KLRG2: variants seen among roughly 807,000 people sequenced by gnomAD.
The protein encoded by KLRG2 is killer cell lectin-like receptor subfamily G member 2.
Under a neutral mutation model 35.4 loss-of-function variants are expected in KLRG2, and 39 were observed. That is an observed-to-expected ratio of 1.10 (90% CI 0.85 to 1.44). The LOEUF (loss-of-function observed/expected upper bound fraction) is 1.44, where lower values mean the gene tolerates loss of function less well. Ranked by LOEUF, KLRG2 falls within the 40% of genes most tolerant of loss-of-function variation. The pLI is 0.00. For synonymous variants in KLRG2, 283 were observed against 265.8 expected, an observed-to-expected ratio of 1.06 and a Z score of -0.63; for missense variants, 632 against 570.9, an observed-to-expected ratio of 1.11 and a Z score of -1.09.
the KLRG2 span, among the ~76,000 whole-genome samples, chr7:139,436,915 T>G: frequency 6.6e-6 from 1 of 152,204 alleles, no homozygotes; most frequent in African/African-American, 2.4e-5. Context: ...AGGCACTGGG[T>G]CCTGCTGCCC....
At chr7:139,472,076 C>A (rs1359319866) in intron 3 of KLRG2, among the ~76,000 whole-genome samples, 1 of 152,176 alleles carries the variant, frequency 6.6e-6, no homozygotes, top group Non-Finnish European at 1.5e-5. Context: ...GCAGGCACTT[C>A]CAGGAACAAT....
Position 139,477,852 on chromosome 7 carries a change from A to AG in KLRG2, c.1005+1774dup, listed in dbSNP as rs1569416209. On this transcript the variant is annotated intron_variant, in intron 3 of 4. Transcript: ENST00000340940. ...CGGCTCACTGCAAGCTCCGCCTCCC[A>AG]GGTTCATGCCATTCTCCTGCCTCAG... Among the ~76,000 whole-genome samples, 4 of 151,658 alleles carry AG rather than the reference A, an allele frequency of 2.6e-5. No individual in the cohort carries two copies. In the South Asian group the frequency reaches 8.4e-4, roughly 32 times the overall value.
intron 3 of KLRG2, among the ~76,000 whole-genome samples, chr7:139,454,730 C>T (rs569820396): frequency 5.3e-5 from 8 of 151,576 alleles, no homozygotes; most frequent in South Asian, 2.1e-4. Context: ...ACAGGAGAAT[C>T]GCTTGAGCCC....
chr7:139,429,642 C>T, the KLRG2 span, among the ~76,000 whole-genome samples: 3 of 151,936 alleles, frequency 2.0e-5, no homozygotes, highest in Non-Finnish European at 2.9e-5. Flanking sequence ...TTAATCCATT[C>T]AACCCTGAGT....
chr7:139,449,253 T>G (rs1264567577), downstream of KLRG2, among the ~76,000 whole-genome samples: 1 of 151,198 alleles, frequency 6.6e-6, no homozygotes, highest in African/African-American at 2.4e-5. Context: ...AATACAAAAA[T>G]TAGCCCAGCA....
chr7:139,435,533 G>A, the KLRG2 span, among the ~76,000 whole-genome samples: 1 of 152,160 alleles, frequency 6.6e-6, no homozygotes, highest in Non-Finnish European at 1.5e-5. Context: ...GTTGACAAAT[G>A]TATCCCACCA....
the KLRG2 span, among the ~76,000 whole-genome samples, chr7:139,438,086 T>A: frequency 6.6e-6 from 1 of 152,208 alleles, no homozygotes; most frequent in Admixed American, 6.5e-5. Context: ...TCCCAGTAGC[T>A]GGAGGACAAT....
the KLRG2 span, among the ~76,000 whole-genome samples, chr7:139,430,863 G>A: frequency 1.5e-3 from 234 of 152,104 alleles, 1 homozygote; most frequent in African/African-American, 5.4e-3. Context: ...ACAAAAATTA[G>A]CTAGGCATGG....
chr7:139,436,602 A>G, the KLRG2 span, among the ~76,000 whole-genome samples: 1 of 152,188 alleles, frequency 6.6e-6, no homozygotes, highest in African/African-American at 2.4e-5. Flanking sequence ...AGGCACAGGA[A>G]GAGGGGTCGA....
At chr7:139,430,146 T>C in the KLRG2 span, among the ~76,000 whole-genome samples, 6 of 152,230 alleles carry the variant, frequency 3.9e-5, 1 homozygote, top group Admixed American at 2.6e-4. Flanking sequence ...CTAATGCTTG[T>C]AATCCCAGCA....
downstream of KLRG2, among the ~76,000 whole-genome samples, chr7:139,450,369 G>A (rs1026862446): frequency 2.0e-5 from 3 of 151,802 alleles, no homozygotes; most frequent in East Asian, 1.9e-4. Context: ...GACTACAGGC[G>A]CCTGCCACCA....
At chr7:139,461,510 C>A (rs1399046388) in intron 3 of KLRG2, among the ~76,000 whole-genome samples, 2 of 152,222 alleles carry the variant, frequency 1.3e-5, no homozygotes, top group African/African-American at 2.4e-5. Context: ...CCCCTGTGAC[C>A]TGCACGTATA....
chr7:139,433,601 C>T, the KLRG2 span, among the ~76,000 whole-genome samples: 1 of 150,024 alleles, frequency 6.7e-6, no homozygotes, highest in Admixed American at 6.7e-5. Flanking sequence ...GCTGGGATTA[C>T]AGGCGTGAAC....
chr7:139,458,390 A>C (rs926420762), intron 3 of KLRG2, among the ~76,000 whole-genome samples: 1 of 149,288 alleles, frequency 6.7e-6, no homozygotes, highest in African/African-American at 2.6e-5. Context: ...AAAAAAAAAA[A>C]GAAAGAAAGA....
At chr7:139,446,366 G>C in the KLRG2 span, among the ~76,000 whole-genome samples, 12 of 121,474 alleles carry the variant, frequency 9.9e-5, no homozygotes. Context: ...TTTTTTAAGA[G>C]AGAGTCTCCC....
the KLRG2 span, among the ~76,000 whole-genome samples, chr7:139,439,822 T>C: frequency 6.6e-6 from 1 of 152,098 alleles, no homozygotes; most frequent in Admixed American, 6.5e-5. Context: ...CTGGGTGGCT[T>C]AAACAACAGA....
intron 3 of KLRG2, 133 bp from the exon 4 acceptor site, chr7:139,454,347 GA>G (rs1796423775): frequency 4.7e-6 from 3 of 636,300 alleles, no homozygotes; most frequent in Non-Finnish European, 8.3e-6. Flanking sequence ...AGCACTTGCA[GA>G]ACAAAAAAAC....
chr7:139,435,929 T>C, the KLRG2 span, among the ~76,000 whole-genome samples: 1 of 150,110 alleles, frequency 6.7e-6, no homozygotes, highest in East Asian at 2.0e-4. Flanking sequence ...TGAGATAGGG[T>C]CTTGCTCTGT....
chr7:139,467,528 G>A lies in KLRG2; in HGVS notation c.1005+12099C>T, dbSNP rs577375266. ...CTGCCTTGGTATGCTGTTAATCTAT[G>A]ACCTTACCCCCAACGCCGTGCTCTC... On this transcript the variant is annotated intron_variant, in intron 3 of 4. Coordinates refer to ENST00000340940, the MANE Select transcript of KLRG2 (RefSeq NM_198508.4). Among the ~76,000 whole-genome samples the A allele has an allele frequency of 3.4e-4, 51 of 152,204 alleles. No homozygotes were observed. The East Asian group carries it at 6.0e-3, about 18-fold the overall frequency.
Sources: gnomAD v4.1 joint callset for allele counts (sites outside exome capture counted in the v4.1 genomes callset) on GRCh38, gnomAD v4.1.1 for gene constraint, MANE v1.5 for transcripts, NCBI Gene and HGNC (gene_info 2026-07-23, HGNC 2026-07-21) for gene names.